CNTNAP3: variants seen among roughly 807,000 people sequenced by gnomAD.
CNTNAP3 encodes contactin-associated protein-like 3.
In CNTNAP3, 36 loss-of-function variants were observed where a neutral mutation model predicts 92.1. That is an observed-to-expected ratio of 0.39 (90% confidence interval 0.30 to 0.52). The LOEUF (loss-of-function observed/expected upper bound fraction) is 0.52, where lower values mean the gene tolerates loss of function less well. Among genes scored for constraint, CNTNAP3 ranks in the 20% least tolerant of loss-of-function variants. The pLI, the probability that CNTNAP3 is intolerant of heterozygous loss-of-function variation, is 0.76. For missense variants in CNTNAP3, 534 were observed against 1,069.6 expected (o/e 0.50, Z 6.98); for synonymous variants, 232 against 422.3 (o/e 0.55, Z 5.53).
chr9:39,112,338 AAGGG>A (rs200399655), intron 14 of CNTNAP3, among the ~76,000 whole-genome samples: 1,862 of 152,142 alleles, frequency 0.012, 40 homozygotes, highest in African/African-American at 0.041. Context: ...AGAAAGCTAA[AAGGG>A]AGAAATGTTA....
At chr9:39,094,102 G>A (rs1285682985) in intron 18 of CNTNAP3, among the ~76,000 whole-genome samples, 5 of 150,770 alleles carry the variant, frequency 3.3e-5, no homozygotes, top group South Asian at 4.2e-4. Flanking sequence ...TATACTTTTC[G>A]TTTGTATTTC....
chr9:39,084,074 G>C lies in CNTNAP3; in HGVS notation c.3442+1662C>G, dbSNP rs553793912. ...ATATGAGCATTATTTTATTAGAATTGCTCATATATTAGCCTATGTACCTAT... is the reference window on the plus strand; with the variant it reads ...ATATGAGCATTATTTTATTAGAATTCCTCATATATTAGCCTATGTACCTAT... On this transcript the variant is annotated intron_variant, in intron 21 of 23. Coordinates refer to ENST00000297668, the MANE Select transcript of CNTNAP3 (RefSeq NM_033655.5). Among the ~76,000 whole-genome samples, 513 of 152,018 alleles carry C rather than the reference G, an allele frequency of 3.4e-3. 3 individuals are homozygous for C. Among genetic ancestry groups the C allele is most frequent in the Middle Eastern group, 6.8e-3 (2 of 294 alleles).
chr9:39,109,620 T>G (rs1274028738), intron 14 of CNTNAP3, among the ~76,000 whole-genome samples: 1 of 152,178 alleles, frequency 6.6e-6, no homozygotes, highest in Admixed American at 6.5e-5. Context: ...AAATCTGAAT[T>G]TCATACAAGT....
rs540550760 is a variant in CNTNAP3, at chr9:39,092,987, T to A, written c.2996-4340A>T. ...TTTCCCTGTTTCTAGTAGCACCTTT[T>A]GTTTTAGAGTTTATTTTTTTCTGGT... On this transcript the variant is annotated intron_variant, in intron 18 of 23. Coordinates refer to ENST00000297668, the MANE Select transcript of CNTNAP3 (RefSeq NM_033655.5). Among the ~76,000 whole-genome samples, 7 of 145,100 alleles carry A rather than the reference T, an allele frequency of 4.8e-5. No homozygotes were observed. The East Asian group carries it at 1.5e-3, about 31-fold the overall frequency.
At chr9:39,159,053 G>T (rs1822017458) in intron 9 of CNTNAP3, 2 of 143,424 alleles carry the variant, frequency 1.4e-5, no homozygotes, top group Non-Finnish European at 3.1e-5. Flanking sequence ...CTGAAATAAG[G>T]ACAACTTTAC....
At chr9:39,159,336 T>C (rs1203747184) in intron 9 of CNTNAP3, 1 of 141,362 alleles carries the variant, frequency 7.1e-6, no homozygotes, top group Non-Finnish European at 1.6e-5. Flanking sequence ...GAAACTATTC[T>C]CTTTGGTCAT....
Position 39,153,803 on chromosome 9 carries a change from C to T in CNTNAP3, c.1478-3826G>A, listed in dbSNP as rs1021091042. On this transcript the variant is annotated intron_variant, in intron 9 of 23. Coordinates refer to ENST00000297668, the MANE Select transcript of CNTNAP3 (RefSeq NM_033655.5). ...TGAATTACTAACCTCAGATGATCCACCCGCCTCAGCCTCTCAAAGTGCTGG... is the reference window on the plus strand; with the variant it reads ...TGAATTACTAACCTCAGATGATCCATCCGCCTCAGCCTCTCAAAGTGCTGG... Among the ~76,000 whole-genome samples, 20 of 131,374 alleles carry T rather than the reference C, an allele frequency of 1.5e-4. 1 individual carries two copies. Among genetic ancestry groups the T allele is most frequent in the African/African-American group, 6.0e-4 (20 of 33,460 alleles). 86.2% of individuals were successfully genotyped at this position (131,374 alleles called of 152,430 possible). A position where few individuals can be genotyped will look rare whatever the true frequency, so the allele number is the denominator to read the frequency against.
intron 21 of CNTNAP3, among the ~76,000 whole-genome samples, chr9:39,083,358 T>C (rs1260018337): frequency 1.3e-5 from 2 of 152,000 alleles, no homozygotes; most frequent in Non-Finnish European, 2.9e-5. Context: ...ATATATGTAA[T>C]TTTTAAGATA....
At chr9:39,118,062 A>G in intron 14 of CNTNAP3, 41 bp downstream of exon 14, 2 of 1,580,668 alleles carry the variant, frequency 1.3e-6, no homozygotes, top group Non-Finnish European at 1.7e-6. Context: ...ATTAAAGAAT[A>G]AAAACCACAT....
intron 15 of CNTNAP3, among the ~76,000 whole-genome samples, chr9:39,106,258 A>G (rs1412146333): frequency 6.6e-6 from 1 of 152,160 alleles, no homozygotes; most frequent in Admixed American, 6.5e-5. Flanking sequence ...ACAGAAGAGA[A>G]TATTTTATTT....
In CNTNAP3 at chr9:39,095,964, T is replaced by C. The variant is rs564586723; in HGVS notation, c.2995+3947A>G. On this transcript the variant is annotated intron_variant, in intron 18 of 23. Transcript: ENST00000297668. ...CAAGTAAATATTTATAGACTTTGTC[T>C]ATAAACTCTCTTATTTACCATTTCT... Among the ~76,000 whole-genome samples, 106 of 151,866 alleles carry C rather than the reference T, an allele frequency of 7.0e-4. 1 individual carries two copies. The highest frequency in any genetic ancestry group is 6.4e-3 in the South Asian group (31 of 4,826).
At position 39,072,230 on chromosome 9, in the gene CNTNAP3, T is replaced by C. The variant is rs1383192027; in HGVS notation, c.*1660A>G. Among the ~76,000 whole-genome samples the C allele has an allele frequency of 1.8e-4, 21 of 117,924 alleles. 8 individuals carry two copies. The highest frequency in any genetic ancestry group is 8.2e-4 in the African/African-American group (21 of 25,616). 77.4% of individuals were successfully genotyped at this position (117,924 alleles called of 152,430 possible). On this transcript the variant is annotated 3_prime_UTR_variant, in exon 24 of 24. Transcript: ENST00000297668. ...GAGAGTGTATTCATTCTTTCAAAAA[T>C]AACACATACGAATTTCCATAACAAG...
intron 13 of CNTNAP3, among the ~76,000 whole-genome samples, chr9:39,126,628 A>G (rs2118014786): frequency 6.6e-6 from 1 of 152,178 alleles, no homozygotes; most frequent in East Asian, 1.9e-4. Context: ...TGCCTTTAAC[A>G]TTTGAAAATT....
chr9:39,105,623 C>T (rs180986230), intron 15 of CNTNAP3, among the ~76,000 whole-genome samples: 2,160 of 152,138 alleles, frequency 0.014, 26 homozygotes, highest in Middle Eastern at 0.051. Context: ...ACACCCATGC[C>T]TTTTTCAGCT....
At position 39,067,432 on chromosome 9, in the gene CNTNAP3, C is replaced by G. The variant is rs1217918484; in HGVS notation, c.*6458G>C. Among the ~76,000 whole-genome samples, 1 of 152,310 alleles carries G rather than the reference C, an allele frequency of 6.6e-6. No homozygotes were observed. Among genetic ancestry groups the G allele is most frequent in the Non-Finnish European group, 1.5e-5 (1 of 68,058 alleles). On this transcript the variant is annotated 3_prime_UTR_variant, in exon 24 of 24. Coordinates refer to ENST00000297668, the MANE Select transcript of CNTNAP3 (RefSeq NM_033655.5). Reference sequence around the variant, plus strand: ...GATTTTTTTTTGATGGAGTCTGGCTCTGTTGCCCAGGCTGGAGTGCAATGG... The same window carrying G: ...GATTTTTTTTTGATGGAGTCTGGCTGTGTTGCCCAGGCTGGAGTGCAATGG...
rs1825537643 is a variant in CNTNAP3, at chr9:39,067,607, A to G, written c.*6283T>C. On this transcript the variant is annotated 3_prime_UTR_variant, in exon 24 of 24. Coordinates refer to ENST00000297668, the MANE Select transcript of CNTNAP3 (RefSeq NM_033655.5). The stretch of plus-strand genomic sequence containing the variant: ...GAGACGGGGTTTCCACCTTGTTAGC[A>G]GGATGGTCTCCATCTCCCGACCTCG... 6.6e-6 allele frequency among the ~76,000 whole-genome samples: 1 copy of G among 150,708 alleles called. No individual in the cohort carries two copies. Among genetic ancestry groups the G allele is most frequent in the African/African-American group, 2.4e-5 (1 of 41,396 alleles).
chr9:39,127,017 A>G (rs1363177813), intron 13 of CNTNAP3, among the ~76,000 whole-genome samples: 1 of 152,122 alleles, frequency 6.6e-6, no homozygotes, highest in Non-Finnish European at 1.5e-5. Context: ...CGAGCCAAAC[A>G]AACCTCAACA....
intron 10 of CNTNAP3, among the ~76,000 whole-genome samples, chr9:39,146,682 C>T (rs1821709397): frequency 6.6e-6 from 1 of 151,558 alleles, no homozygotes; most frequent in Non-Finnish European, 1.5e-5. Flanking sequence ...GAGCGAGACT[C>T]CGTCTCAAAA....
intron 18 of CNTNAP3, among the ~76,000 whole-genome samples, chr9:39,094,706 G>C (rs1461075160): frequency 1.3e-5 from 2 of 151,564 alleles, no homozygotes; most frequent in Non-Finnish European, 3.0e-5. Flanking sequence ...TTGATTTATA[G>C]GTTTATCCTC....
Sources: allele counts gnomAD v4.1 joint callset (sites outside exome capture counted in the v4.1 genomes callset), GRCh38; gene constraint gnomAD v4.1.1; transcripts MANE v1.5; gene names NCBI Gene and HGNC (gene_info 2026-07-23, HGNC 2026-07-21).